Variants in NLRP7 observed in about 807,000 individuals in gnomAD.
The protein encoded by NLRP7 is NACHT, LRR and PYD domains-containing protein 7.
Under a neutral mutation model 85.5 loss-of-function variants are expected in NLRP7, and 72 were observed. That is an observed-to-expected ratio of 0.84 (90% CI 0.70 to 1.02). The LOEUF (loss-of-function observed/expected upper bound fraction) is 1.02. Among genes scored for constraint, NLRP7 ranks in the 50% least tolerant of loss-of-function variants. The pLI is 0.00. For missense variants in NLRP7, 1,243 were observed against 1,219.5 expected (o/e 1.02, Z -0.29); for synonymous variants, 550 against 505.2 (o/e 1.09, Z -1.19).
chr19:54,955,007 C>A (rs752888060), intron 1 of NLRP7, among the ~76,000 whole-genome samples: 6 of 151,924 alleles, frequency 3.9e-5, no homozygotes, highest in Non-Finnish European at 5.9e-5. Context: ...CCCACCATGC[C>A]CAGCTCGTCC....
Position 54,960,192 on chromosome 19 carries a change from A to G in NLRP7, c.-77+5848T>C, listed in dbSNP as rs1464282777. On this transcript the variant is annotated intron_variant, in intron 1 of 2. Transcript: ENST00000587103. ...GTTTTTTGAGATGTTGTCTCCCTCTATCACCCAGGCTGGAGTGCAGTGGCG... is the reference window on the plus strand; with the variant it reads ...GTTTTTTGAGATGTTGTCTCCCTCTGTCACCCAGGCTGGAGTGCAGTGGCG... 5.3e-5 allele frequency among the ~76,000 whole-genome samples: 8 copies of G among 151,554 alleles called. No homozygotes were observed. In the Admixed American group the frequency reaches 5.3e-4, roughly 10 times the overall value.
upstream of NLRP7, chr19:54,948,962 G>A: frequency 5.5e-6 from 1 of 181,514 alleles, no homozygotes; most frequent in Non-Finnish European, 1.2e-5. Context: ...TATATCAGTT[G>A]CAGCATGCCA....
rs369776027 is a variant in NLRP7 at position 54,930,106 on chromosome 19, G to A, written c.2810+393C>T. Among the ~76,000 whole-genome samples the A allele has an allele frequency of 2.5e-3, 312 of 123,614 alleles. 1 individual carries two copies. Among genetic ancestry groups the A allele is most frequent in the African/African-American group, 9.5e-3 (299 of 31,566 alleles). The allele number at this position is 123,614 out of a possible 152,430, so 81.1% of individuals were successfully genotyped here. The stretch of plus-strand genomic sequence containing the variant: ...CTCCAGCCTGGGCAACTAGAACGAG[G>A]CTCCGTCTCAAAAAAAAAAAAAAAA... On this transcript the variant is annotated intron_variant, in intron 9 of 9. Coordinates refer to ENST00000340844, the Ensembl canonical transcript of NLRP7.
exon 6 of NLRP7, chr19:54,936,286 G>A: frequency 6.2e-7 from 1 of 1,613,760 alleles, no homozygotes; most frequent in Non-Finnish European, 8.5e-7. Flanking sequence ...TTGCATTTAT[G>A]ATTTCTGAGC....
chr19:54,960,448 G>A (rs963836526), intron 1 of NLRP7, among the ~76,000 whole-genome samples: 1 of 151,582 alleles, frequency 6.6e-6, no homozygotes, highest in African/African-American at 2.4e-5. Flanking sequence ...AAGCCACCGC[G>A]CTCAACCAGA....
At chr19:54,940,063 G>T in exon 4 of NLRP7, 1 of 1,614,140 alleles carries the variant, frequency 6.2e-7, no homozygotes, top group Non-Finnish European at 8.5e-7. Flanking sequence ...CAAGGCCATC[G>T]ACCACGAACA....
At position 54,962,660 on chromosome 19, in the gene NLRP7, C is replaced by T. The variant is rs562619300; in HGVS notation, c.-77+3380G>A. ...TGTCACCCAGGCTGGAGTGCAGTGG[C>T]GCGATCTCAGCTCACTGCAAGCTCC... On this transcript the variant is annotated intron_variant, in intron 1 of 2. Coordinates refer to the NLRP7 transcript ENST00000587103. Among the ~76,000 whole-genome samples the T allele has an allele frequency of 2.7e-3, 411 of 151,074 alleles. 3 individuals carry two copies. The highest frequency in any genetic ancestry group is 7.7e-3 in the African/African-American group (319 of 41,190).
In NLRP7 at chr19:54,944,074, T is replaced by A. The variant is rs558250070; in HGVS notation, c.-39-2324A>T. Among the ~76,000 whole-genome samples the A allele has an allele frequency of 1.4e-4, 21 of 152,040 alleles. No individual in the cohort carries two copies. In the South Asian group the frequency reaches 4.4e-3, roughly 32 times the overall value. Reference sequence around the variant, plus strand: ...AAAGCCAGGTATTGTCCAAAGTTTCTCCCCATGTGATAGCCTGAGATAAGG... The same window carrying A: ...AAAGCCAGGTATTGTCCAAAGTTTCACCCCATGTGATAGCCTGAGATAAGG... On this transcript the variant is annotated intron_variant, in intron 1 of 9. Coordinates refer to ENST00000340844, the Ensembl canonical transcript of NLRP7.
chr19:54,939,651 G>C (rs543019983), exon 4 of NLRP7: 2 of 1,611,946 alleles, frequency 1.2e-6, no homozygotes, highest in Non-Finnish European at 1.7e-6. Flanking sequence ...AGCCCCGTGC[G>C]GGTGAGGCAG....
chr19:54,954,602 T>G (rs1569542196), intron 1 of NLRP7, among the ~76,000 whole-genome samples: 3 of 151,362 alleles, frequency 2.0e-5, no homozygotes, highest in Non-Finnish European at 2.9e-5. Context: ...CCCAACACTT[T>G]GGGAGGCCGA....
In NLRP7 at chr19:54,940,937, T is replaced by A. The variant is rs104895556; in HGVS notation, c.346A>T (p.Lys116Ter). ...TAGGACCGTATTTACCCACCTGGCT[T>A]TGCTAACTCCGAGTCTTCTTCTGCA... Residue 116 changes from lysine (K) to a stop codon, truncating the protein, a stop_gained, in exon 3 of 10, where the codon AAG (lysine) becomes TAG (stop). Coordinates refer to ENST00000340844, the Ensembl canonical transcript of NLRP7. LOFTEE classifies it high-confidence loss of function. 6.2e-7 allele frequency: 1 copy of A among 1,607,354 alleles called. No individual in the cohort carries two copies. The highest frequency in any genetic ancestry group is 1.1e-5 in the South Asian group (1 of 90,926).
intron 1 of NLRP7, among the ~76,000 whole-genome samples, chr19:54,956,132 AAAGGAAGGAAGGAGGG>A (rs375895318): frequency 0.011 from 1,710 of 150,890 alleles, 34 homozygotes; most frequent in African/African-American, 0.036. Flanking sequence ...AGAGGGAGAG[AAAGGAAGGAAGGAGGG>A]AAGGAGGGAA....
In NLRP7 at chr19:54,939,262, TC is replaced by T; in HGVS notation, c.1556del (p.Gly519AspfsTer47). On this transcript the variant is annotated frameshift_variant, in exon 4 of 10. Coordinates refer to ENST00000340844, the Ensembl canonical transcript of NLRP7. LOFTEE classifies it high-confidence loss of function. Reference sequence around the variant, plus strand: ...CGTTAGCGAGGCCGAATAAGAAGTGTCCTACTTGAATCAGGTCGGGGTTCTT... The same window carrying T: ...CGTTAGCGAGGCCGAATAAGAAGTGTCTACTTGAATCAGGTCGGGGTTCTT... The T allele has an allele frequency of 6.2e-7, 1 of 1,614,044 alleles. No individual in the cohort carries two copies. The highest frequency in any genetic ancestry group is 8.5e-7 in the Non-Finnish European group (1 of 1,179,954).
chr19:54,962,056 A>T (rs1387348538), intron 1 of NLRP7, among the ~76,000 whole-genome samples: 4 of 149,510 alleles, frequency 2.7e-5, no homozygotes, highest in Non-Finnish European at 5.9e-5. Context: ...CCAGCTACAC[A>T]GGAGTCTGAG....
intron 8 of NLRP7, among the ~76,000 whole-genome samples, chr19:54,932,606 A>G (rs1294273892): frequency 1.3e-5 from 2 of 152,108 alleles, no homozygotes; most frequent in Non-Finnish European, 2.9e-5. Flanking sequence ...TCGTGGGTCA[A>G]TTCCAACCTG....
intron 5 of NLRP7, among the ~76,000 whole-genome samples, chr19:54,937,041 AC>A (rs1476924759): frequency 1.3e-5 from 2 of 151,234 alleles, no homozygotes; most frequent in Non-Finnish European, 2.9e-5. Context: ...ACACGGTGAA[AC>A]CCCGTCTTTA....
chr19:54,939,913 C>A, exon 4 of NLRP7: 4 of 1,614,132 alleles, frequency 2.5e-6, no homozygotes, highest in Non-Finnish European at 1.7e-6. Context: ...GTGCCCTGGG[C>A]CGCGTGGTGA....
At chr19:54,933,760 T>C (rs1440637457) in intron 7 of NLRP7, 21 bp from the exon 8 acceptor site, 1 of 1,609,290 alleles carries the variant, frequency 6.2e-7, no homozygotes, top group Non-Finnish European at 8.5e-7. Context: ...ATGAAACAAA[T>C]GGTAGAAGGA....
At chr19:54,939,851 C>A (rs1285434819) in exon 4 of NLRP7, 1 of 1,613,986 alleles carries the variant, frequency 6.2e-7, no homozygotes, top group Admixed American at 1.7e-5. Context: ...CTCCAGGAAG[C>A]CCTCCACCCT....
Sources: gnomAD v4.1 joint callset for allele counts (sites outside exome capture counted in the v4.1 genomes callset) on GRCh38, gnomAD v4.1.1 for gene constraint, MANE v1.5 for transcripts, NCBI Gene and HGNC (gene_info 2026-07-23, HGNC 2026-07-21) for gene names.